BAIAP2L1: variants seen among roughly 807,000 people sequenced by gnomAD.
The protein encoded by BAIAP2L1 is BAR/IMD domain containing adaptor protein 2 like 1, also known as BAR/IMD domain-containing adapter protein 2-like 1.
A neutral mutation model predicts 66.3 loss-of-function variants in BAIAP2L1; 35 were observed. That is an observed-to-expected ratio of 0.53 (90% CI 0.40 to 0.70). The LOEUF (loss-of-function observed/expected upper bound fraction) is 0.70. Ranked by LOEUF, BAIAP2L1 falls within the 30% of genes least tolerant of loss-of-function variation. The pLI is 0.00. For synonymous variants in BAIAP2L1, 269 were observed against 248.7 expected, an observed-to-expected ratio of 1.08 and a Z score of -0.77; for missense variants, 622 against 656.9, an observed-to-expected ratio of 0.95 and a Z score of 0.58.
chr7:98,357,020 A>AAAAAAAAT (rs1554337328), intron 2 of BAIAP2L1, among the ~76,000 whole-genome samples: 2 of 28,100 alleles, frequency 7.1e-5, no homozygotes, highest in African/African-American at 2.3e-4. Flanking sequence ...AAAAAAAAAA[A>AAAAAAAAT]ATATATATAT....
chr7:98,329,943 A>G (rs930537922), intron 3 of BAIAP2L1, among the ~76,000 whole-genome samples: 1 of 152,212 alleles, frequency 6.6e-6, no homozygotes, highest in East Asian at 1.9e-4. Context: ...TCTTGGGAAA[A>G]CCAAAGACAA....
chr7:98,328,087 C>A (rs541775191), intron 3 of BAIAP2L1, among the ~76,000 whole-genome samples: 42 of 151,710 alleles, frequency 2.8e-4, no homozygotes, highest in Non-Finnish European at 5.0e-4. Context: ...ATATATAAGT[C>A]TAGAATGGAT....
chr7:98,355,243 G>A, intron 2 of BAIAP2L1, 115 bp from the exon 3 acceptor site: 6 of 727,304 alleles, frequency 8.2e-6, no homozygotes, highest in South Asian at 7.9e-5. Flanking sequence ...GGTTTGGGCT[G>A]TGGCAGGTGT....
chr7:98,341,950 T>C (rs1380420098), intron 3 of BAIAP2L1, among the ~76,000 whole-genome samples: 1 of 152,070 alleles, frequency 6.6e-6, no homozygotes, highest in Non-Finnish European at 1.5e-5. Flanking sequence ...CCTACTGTGG[T>C]ATGAATTCTT....
At chr7:98,296,222 T>C (rs6975156) in intron 12 of BAIAP2L1, among the ~76,000 whole-genome samples, 62,094 of 152,178 alleles carry the variant, frequency 0.41, 13,666 homozygotes, top group Middle Eastern at 0.52. Flanking sequence ...TGGGCCATGC[T>C]GGGTGATCGT....
intron 1 of BAIAP2L1, among the ~76,000 whole-genome samples, chr7:98,390,689 G>A (rs577614626): frequency 3.3e-5 from 5 of 151,510 alleles, no homozygotes; most frequent in Admixed American, 2.0e-4. Context: ...CCAAGATTGC[G>A]CCACTGCACT....
chr7:98,344,578 T>C (rs931108340), intron 3 of BAIAP2L1, among the ~76,000 whole-genome samples: 4 of 152,072 alleles, frequency 2.6e-5, no homozygotes, highest in African/African-American at 9.7e-5. Flanking sequence ...AAATCCATCA[T>C]TATTTCCTAA....
At chr7:98,354,560 C>A (rs551486279) in intron 3 of BAIAP2L1, among the ~76,000 whole-genome samples, 20 of 152,226 alleles carry the variant, frequency 1.3e-4, no homozygotes, top group Admixed American at 3.9e-4. Context: ...AGGGTGTAAC[C>A]GCCCTCTCTG....
At chr7:98,367,019 G>A (rs1802402473) in intron 1 of BAIAP2L1, among the ~76,000 whole-genome samples, 1 of 151,632 alleles carries the variant, frequency 6.6e-6, no homozygotes, top group Non-Finnish European at 1.5e-5. Context: ...AGCTTCCCGA[G>A]TAGCTGGGAG....
intron 8 of BAIAP2L1, among the ~76,000 whole-genome samples, chr7:98,311,525 A>C (rs1800868260): frequency 6.6e-6 from 1 of 151,966 alleles, no homozygotes. Flanking sequence ...TGAGTGACAG[A>C]GCAAGACTGT....
chr7:98,377,691 G>A (rs1214220037), intron 1 of BAIAP2L1, among the ~76,000 whole-genome samples: 3 of 151,544 alleles, frequency 2.0e-5, no homozygotes, highest in East Asian at 1.9e-4. Context: ...GGTGGCACGC[G>A]CCTGTAATCC....
chr7:98,373,767 CCAAA>C (rs1562789004), intron 1 of BAIAP2L1, among the ~76,000 whole-genome samples: 1 of 152,148 alleles, frequency 6.6e-6, no homozygotes, highest in Non-Finnish European at 1.5e-5. Flanking sequence ...AGTCAAGTCT[CCAAA>C]CAGAGGAACA....
chr7:98,356,304 G>T lies in BAIAP2L1; in HGVS notation c.128-1176C>A, dbSNP rs577648613. Among the ~76,000 whole-genome samples, 24 of 152,168 alleles carry T rather than the reference G, an allele frequency of 1.6e-4. No individual in the cohort carries two copies. The Middle Eastern group carries it at 0.01, about 65-fold the overall frequency. On this transcript the variant is annotated intron_variant, in intron 2 of 13. Transcript: ENST00000005260. ...GTATGATAGAGACCCAGCCTGGTTA[G>T]TGTAATTTTGGAGAAAAGCATTTAT...
intron 2 of BAIAP2L1, among the ~76,000 whole-genome samples, 154 bp downstream of exon 2, chr7:98,362,203 G>A (rs1282718676): frequency 6.6e-6 from 1 of 152,156 alleles, no homozygotes. Context: ...TAATATCATT[G>A]TGTACTGTCA....
chr7:98,327,383 A>AATAT (rs1230331938), intron 3 of BAIAP2L1, among the ~76,000 whole-genome samples: 3 of 147,588 alleles, frequency 2.0e-5, no homozygotes, highest in African/African-American at 7.5e-5. Context: ...TAAATAAATA[A>AATAT]ATAAATAAAG....
intron 1 of BAIAP2L1, among the ~76,000 whole-genome samples, chr7:98,398,208 G>C (rs748897667): frequency 2.0e-4 from 31 of 151,954 alleles, no homozygotes; most frequent in South Asian, 4.1e-4. Context: ...GTAATATAGA[G>C]GACATCTCTT....
At chr7:98,294,031 A>G in intron 13 of BAIAP2L1, 43 bp downstream of exon 13, 1 of 1,604,702 alleles carries the variant, frequency 6.2e-7, no homozygotes, top group Non-Finnish European at 8.5e-7. Flanking sequence ...TACAGGGAAG[A>G]GCAATGTCAC....
chr7:98,392,559 A>G (rs1803071912), intron 1 of BAIAP2L1, among the ~76,000 whole-genome samples: 3 of 152,244 alleles, frequency 2.0e-5, no homozygotes, highest in African/African-American at 7.2e-5. Flanking sequence ...ATCTGTGCAA[A>G]GCTTTGACTG....
chr7:98,353,089 G>A (rs1045588292), intron 3 of BAIAP2L1, among the ~76,000 whole-genome samples: 4 of 151,712 alleles, frequency 2.6e-5, no homozygotes, highest in Non-Finnish European at 4.4e-5. Flanking sequence ...AATTCATTGT[G>A]CTTAGAACAG....
Sources: allele counts gnomAD v4.1 joint callset (sites outside exome capture counted in the v4.1 genomes callset), GRCh38; gene constraint gnomAD v4.1.1; transcripts MANE v1.5; gene names NCBI Gene and HGNC (gene_info 2026-07-23, HGNC 2026-07-21).